The following ANO3 variants were observed in gnomAD, a reference collection of about 807,000 sequenced individuals.
The protein encoded by ANO3 is anoctamin-3.
Under a neutral mutation model 144.8 loss-of-function variants are expected in ANO3, and 99 were observed. That is an observed-to-expected ratio of 0.68 (90% CI 0.58 to 0.81). ANO3 has a LOEUF of 0.81. ANO3 is among the 30% of genes least tolerant of loss of function. ANO3 has a pLI of 0.00. For synonymous variants in ANO3, 414 were observed against 392.6 expected (o/e 1.05, Z -0.64); for missense variants, 905 against 1,202.2 (o/e 0.75, Z 3.66).
chr11:26,436,141 T>C (rs57857863), intron 1 of ANO3, among the ~76,000 whole-genome samples: 3 of 152,018 alleles, frequency 2.0e-5, no homozygotes, highest in Admixed American at 1.3e-4. Flanking sequence ...GGGATCTGCG[T>C]TGAGAACAGT....
At chr11:26,538,364 A>G (rs1404228712) in intron 10 of ANO3, among the ~76,000 whole-genome samples, 1 of 152,204 alleles carries the variant, frequency 6.6e-6, no homozygotes, top group African/African-American at 2.4e-5. Context: ...TACTTATAGT[A>G]AGAATAGAAA....
chr11:26,350,158 G>A (rs1855606418), intron 1 of ANO3, among the ~76,000 whole-genome samples: 1 of 152,116 alleles, frequency 6.6e-6, no homozygotes. Flanking sequence ...TTCAACTATT[G>A]ATACCAGGAA....
chr11:26,642,204 C>T (rs1345896200), intron 22 of ANO3, among the ~76,000 whole-genome samples, 175 bp downstream of exon 22: 1 of 152,166 alleles, frequency 6.6e-6, no homozygotes, highest in Non-Finnish European at 1.5e-5. Flanking sequence ...GGCAGATTCA[C>T]ATGTTTTATT....
At chr11:26,251,169 G>A (rs1055371791) in intron 1 of ANO3, among the ~76,000 whole-genome samples, 56 of 152,124 alleles carry the variant, frequency 3.7e-4, no homozygotes, top group Admixed American at 2.2e-3. Context: ...TGTAAATTGG[G>A]GGACTGTATT....
At chr11:26,360,895 T>C (rs1305653207) in intron 1 of ANO3, among the ~76,000 whole-genome samples, 4 of 152,230 alleles carry the variant, frequency 2.6e-5, no homozygotes, top group Admixed American at 2.0e-4. Flanking sequence ...GTTTGTGACA[T>C]ACCTACTGTT....
chr11:26,452,882 C>T (rs969760823), intron 3 of ANO3, among the ~76,000 whole-genome samples: 6 of 152,164 alleles, frequency 3.9e-5, no homozygotes, highest in Non-Finnish European at 8.8e-5. Context: ...GCAGATCTCT[C>T]GGCAGAAACT....
intron 4 of ANO3, among the ~76,000 whole-genome samples, chr11:26,479,134 A>G (rs760845106): frequency 6.6e-6 from 1 of 152,184 alleles, no homozygotes; most frequent in Non-Finnish European, 1.5e-5. Flanking sequence ...GATTTTCAGA[A>G]CCAGCTGTTA....
rs553733306 is a variant in ANO3 at position 26,323,581 on chromosome 11, C to T, written c.-3+13862C>T. On this transcript the variant is annotated intron_variant, in intron 1 of 26. Coordinates refer to the ANO3 transcript ENST00000525139. ...AATTTATATTAGCCATTTCAAAACA[C>T]GTGGGCTTCCTGTGCTCTCCTAGCC... Among the ~76,000 whole-genome samples the T allele has an allele frequency of 2.5e-4, 38 of 152,246 alleles. No homozygotes were observed. In the South Asian group the frequency reaches 7.5e-3, roughly 30 times the overall value.
At chr11:26,203,593 T>A (rs904271984) in intron 1 of ANO3, among the ~76,000 whole-genome samples, 7 of 152,138 alleles carry the variant, frequency 4.6e-5, no homozygotes, top group Non-Finnish European at 8.8e-5. Flanking sequence ...AGGATAAGTG[T>A]TCATCTAACA....
rs548489263 is a variant in ANO3, at chr11:26,237,945, A to G, written c.154+48615A>G. On this transcript the variant is annotated intron_variant, in intron 1 of 27. Coordinates refer to the ANO3 transcript ENST00000672621. Reference sequence around the variant, plus strand: ...TCAAGATCTATGTTGACTCTAAAATAAAGAGTCTTTATCTTGTATCTGGGT... The same window carrying G: ...TCAAGATCTATGTTGACTCTAAAATGAAGAGTCTTTATCTTGTATCTGGGT... Among the ~76,000 whole-genome samples, 26 of 152,298 alleles carry G rather than the reference A, an allele frequency of 1.7e-4. 1 individual carries two copies. The highest frequency in any genetic ancestry group is 6.0e-4 in the African/African-American group (25 of 41,584).
chr11:26,631,285 GTTTA>G (rs1410422448), intron 18 of ANO3, among the ~76,000 whole-genome samples: 1 of 151,242 alleles, frequency 6.6e-6, no homozygotes, highest in Non-Finnish European at 1.5e-5. Context: ...ACATTTTATT[GTTTA>G]TTTTTGTTCT....
chr11:26,468,129 G>A (rs1306567832), intron 4 of ANO3, among the ~76,000 whole-genome samples: 1 of 151,912 alleles, frequency 6.6e-6, no homozygotes, highest in East Asian at 1.9e-4. Flanking sequence ...GCCTCTAGAT[G>A]TGGTCAATTT....
chr11:26,422,409 T>A lies in ANO3; in HGVS notation c.47-19509T>A, dbSNP rs1332719359. Among the ~76,000 whole-genome samples the A allele has an allele frequency of 3.9e-5, 6 of 152,044 alleles. No individual in the cohort carries two copies. In the East Asian group the frequency reaches 5.8e-4, roughly 15 times the overall value. The stretch of plus-strand genomic sequence containing the variant: ...GTTGTGAATTATATGAATGCCTTTT[T>A]AAAAGATATCTGTAATTACATGTCT... On this transcript the variant is annotated intron_variant, in intron 1 of 26. Transcript: ENST00000256737.
intron 1 of ANO3, among the ~76,000 whole-genome samples, chr11:26,265,363 T>C (rs974012159): frequency 7.2e-5 from 11 of 152,172 alleles, no homozygotes. Flanking sequence ...TCAGAGCTCC[T>C]TGAGGACAAG....
Position 26,290,399 on chromosome 11 carries a change from C to A in ANO3, c.155-19246C>A, listed in dbSNP as rs905630946. ...TTGATTTTTTGAAGGGATTTTGTGT[C>A]TCTATCTCCTTCAGTTCTGCTCTGA... On this transcript the variant is annotated intron_variant, in intron 1 of 27. Coordinates refer to the ANO3 transcript ENST00000672621. 2.0e-5 allele frequency among the ~76,000 whole-genome samples: 3 copies of A among 152,122 alleles called. No homozygotes were observed. The South Asian group carries it at 6.2e-4, about 31-fold the overall frequency.
chr11:26,474,744 AATTTCCATTTCT>A (rs1459589474), intron 4 of ANO3, among the ~76,000 whole-genome samples: 3 of 151,862 alleles, frequency 2.0e-5, no homozygotes, highest in African/African-American at 7.2e-5. Context: ...CCATCGGGAA[AATTTCCATTTCT>A]ACATCTATGT....
intron 1 of ANO3, among the ~76,000 whole-genome samples, chr11:26,224,086 G>C (rs977985146): frequency 6.6e-6 from 1 of 152,142 alleles, no homozygotes; most frequent in Admixed American, 6.5e-5. Context: ...CTGCTTCCCA[G>C]CTGCCATCTC....
At chr11:26,363,087 A>C (rs115371472) in intron 1 of ANO3, among the ~76,000 whole-genome samples, 2,433 of 152,312 alleles carry the variant, frequency 0.016, 23 homozygotes, top group African/African-American at 0.022. Flanking sequence ...GAATGTCTTT[A>C]TTACCATTAC....
At chr11:26,487,791 G>T (rs985928195) in intron 4 of ANO3, among the ~76,000 whole-genome samples, 17 of 152,194 alleles carry the variant, frequency 1.1e-4, no homozygotes, top group Non-Finnish European at 1.6e-4. Flanking sequence ...TTAAACTTCA[G>T]AGAGATGATT....
Sources: gnomAD v4.1 joint callset for allele counts (sites outside exome capture counted in the v4.1 genomes callset) on GRCh38, gnomAD v4.1.1 for gene constraint, MANE v1.5 for transcripts, NCBI Gene and HGNC (gene_info 2026-07-23, HGNC 2026-07-21) for gene names.